MCU: variants seen among roughly 807,000 people sequenced by gnomAD.
MCU encodes calcium uniporter protein, mitochondrial.
Under a neutral mutation model 45.2 loss-of-function variants are expected in MCU, and 12 were observed. That is an observed-to-expected ratio of 0.27 (90% CI 0.17 to 0.43). The LOEUF is 0.43. MCU is among the 20% of genes least tolerant of loss of function. MCU has a pLI of 1.00. For synonymous variants in MCU, 160 were observed against 165.1 expected, an observed-to-expected ratio of 0.97 and a Z score of 0.24; for missense variants, 324 against 436.7, an observed-to-expected ratio of 0.74 and a Z score of 2.30.
intron 1 of MCU, among the ~76,000 whole-genome samples, chr10:72,814,226 A>G (rs79463841): frequency 0.022 from 3,283 of 152,290 alleles, 107 homozygotes; most frequent in African/African-American, 0.071. Context: ...TAAGCATGCC[A>G]TGGAAGTCTT....
chr10:72,883,670 A>G (rs1332310813), intron 6 of MCU, among the ~76,000 whole-genome samples: 1 of 152,232 alleles, frequency 6.6e-6, no homozygotes, highest in African/African-American at 2.4e-5. Context: ...AAGAACGGAA[A>G]CAACCCAAAA....
intron 4 of MCU, among the ~76,000 whole-genome samples, chr10:72,867,854 C>CAAAAAAA (rs777086421): frequency 1.6e-5 from 1 of 62,874 alleles, no homozygotes; most frequent in Non-Finnish European, 3.5e-5. Context: ...GACTTTGTCT[C>CAAAAAAA]AAAAAAAAAA....
intron 1 of MCU, among the ~76,000 whole-genome samples, chr10:72,772,841 CT>C (rs1321351852): frequency 6.6e-6 from 1 of 152,200 alleles, no homozygotes; most frequent in African/African-American, 2.4e-5. Flanking sequence ...GTGACTGACC[CT>C]AACAAGATGG....
At chr10:72,841,775 A>G (rs1346042395) in intron 2 of MCU, among the ~76,000 whole-genome samples, 1 of 152,162 alleles carries the variant, frequency 6.6e-6, no homozygotes, top group Non-Finnish European at 1.5e-5. Context: ...CTTAGGCCTA[A>G]AAGTTTTGCC....
chr10:72,762,818 GT>G (rs34507129), intron 1 of MCU, among the ~76,000 whole-genome samples: 39 of 148,822 alleles, frequency 2.6e-4, no homozygotes, highest in East Asian at 1.4e-3. Flanking sequence ...TGTATTAGGT[GT>G]TTTTTTTTTC....
At chr10:72,795,669 G>A (rs984420595) in intron 1 of MCU, among the ~76,000 whole-genome samples, 27 of 152,214 alleles carry the variant, frequency 1.8e-4, no homozygotes, top group African/African-American at 6.3e-4. Flanking sequence ...ATTATGTGGT[G>A]TCTGTTTCTT....
intron 1 of MCU, among the ~76,000 whole-genome samples, chr10:72,749,127 TG>T (rs1270885926): frequency 2.0e-5 from 3 of 151,822 alleles, no homozygotes; most frequent in African/African-American, 7.3e-5. Flanking sequence ...AAAAAAATGT[TG>T]TTTTTTTTTT....
At chr10:72,692,571 G>A in intron 1 of MCU, 4 of 1,094,476 alleles carry the variant, frequency 3.7e-6, no homozygotes, top group Non-Finnish European at 4.4e-6. Context: ...GGGAAGGCAC[G>A]GGACTTGAAC....
At chr10:72,810,461 CTTTTTTT>C (rs751918414) in intron 1 of MCU, among the ~76,000 whole-genome samples, 2 of 73,408 alleles carry the variant, frequency 2.7e-5, no homozygotes, top group South Asian at 4.7e-4. Flanking sequence ...ATTATGTTGC[CTTTTTTT>C]TTTTTTTTTT....
At chr10:72,727,146 T>G (rs1490938951) in intron 1 of MCU, among the ~76,000 whole-genome samples, 1 of 152,174 alleles carries the variant, frequency 6.6e-6, no homozygotes, top group Non-Finnish European at 1.5e-5. Flanking sequence ...CCTCTTGTAG[T>G]CTCTCAGCTT....
chr10:72,699,438 C>T (rs553957328), intron 1 of MCU, among the ~76,000 whole-genome samples: 47 of 151,738 alleles, frequency 3.1e-4, no homozygotes, highest in African/African-American at 1.1e-3. Context: ...ATCCGGGAGA[C>T]GGAGGTTGCA....
chr10:72,698,394 T>G (rs1239355732), intron 1 of MCU, among the ~76,000 whole-genome samples: 1 of 152,258 alleles, frequency 6.6e-6, no homozygotes, highest in African/African-American at 2.4e-5. Context: ...TTATTTCTTC[T>G]TATGTTTTAG....
chr10:72,692,207 G>GCGGCGGGGGCGC lies in MCU; in HGVS notation c.63_74dup (p.Gly22_Gly25dup). ...CTGCTCCTCTCCTCTCGGGGCGGCG[G>GCGGCGGGGGCGC]CGGCGGGGGCGCCGGCGGCTGCGGG... On this transcript the variant is annotated inframe_insertion, in exon 1 of 8. Transcript: ENST00000373053. The GCGGCGGGGGCGC allele has an allele frequency of 8.0e-7, 1 of 1,254,794 alleles. No individual in the cohort carries two copies. Among genetic ancestry groups the GCGGCGGGGGCGC allele is most frequent in the Admixed American group, 3.9e-5 (1 of 25,572 alleles). The allele number at this position is 1,254,794 out of a possible 1,614,324, so 77.7% of individuals were successfully genotyped here.
chr10:72,881,632 C>T (rs1445778341), intron 6 of MCU, among the ~76,000 whole-genome samples: 1 of 152,174 alleles, frequency 6.6e-6, no homozygotes, highest in Non-Finnish European at 1.5e-5. Flanking sequence ...TACAAAGGAT[C>T]TATATCCAGA....
At chr10:72,871,623 A>C in intron 6 of MCU, 43 bp downstream of exon 6, 2 of 1,533,326 alleles carry the variant, frequency 1.3e-6, no homozygotes. Context: ...ATAGTAATAA[A>C]GTTTTGATTG....
chr10:72,824,218 T>C (rs1388252648), intron 1 of MCU, among the ~76,000 whole-genome samples: 1 of 148,052 alleles, frequency 6.8e-6, no homozygotes, highest in African/African-American at 2.5e-5. Context: ...TTTTTTGAGA[T>C]GGAATTTCAT....
Position 72,725,197 on chromosome 10 carries a change from C to T in MCU, c.150+32896C>T, listed in dbSNP as rs567383673. 5.3e-5 allele frequency among the ~76,000 whole-genome samples: 8 copies of T among 151,030 alleles called. No homozygotes were observed. In the East Asian group the frequency reaches 1.2e-3, roughly 22 times the overall value. The stretch of plus-strand genomic sequence containing the variant: ...CTGGAGTGCAGTGGTGTGATCTCGG[C>T]TCACTGTAAGCTCCACCTCCCGGGT... On this transcript the variant is annotated intron_variant, in intron 1 of 7. Coordinates refer to ENST00000373053, the MANE Select transcript of MCU (RefSeq NM_138357.3).
At chr10:72,819,040 C>T (rs1027166042) in intron 1 of MCU, among the ~76,000 whole-genome samples, 1 of 151,948 alleles carries the variant, frequency 6.6e-6, no homozygotes, top group Non-Finnish European at 1.5e-5. Context: ...TTCTGATGGG[C>T]AAGACAGAAC....
At chr10:72,745,089 CTATT>C (rs1438421472) in intron 1 of MCU, among the ~76,000 whole-genome samples, 1 of 151,870 alleles carries the variant, frequency 6.6e-6, no homozygotes, top group Non-Finnish European at 1.5e-5. Flanking sequence ...TTAAAAAAAC[CTATT>C]TATAAACTCT....
Sources: allele counts gnomAD v4.1 joint callset (sites outside exome capture counted in the v4.1 genomes callset), GRCh38; gene constraint gnomAD v4.1.1; transcripts MANE v1.5; gene names NCBI Gene and HGNC (gene_info 2026-07-23, HGNC 2026-07-21).